The following NEB variants were observed in gnomAD, a reference collection of about 807,000 sequenced individuals.
NEB encodes nebulin.
Under a neutral mutation model 952.2 loss-of-function variants are expected in NEB, and 512 were observed. The observed-to-expected ratio is 0.54, with a 90% confidence interval of 0.50 to 0.58. The LOEUF is 0.58. NEB is among the 20% of genes least tolerant of loss of function. NEB has a pLI of 0.00. For missense variants in NEB, 8,428 were observed against 9,231.1 expected, an observed-to-expected ratio of 0.91 and a Z score of 3.56; for synonymous variants, 2,900 against 3,149.8, an observed-to-expected ratio of 0.92 and a Z score of 2.66.
intron 124 of NEB, among the ~76,000 whole-genome samples, chr2:151,559,020 A>G (rs1054523836): frequency 2.6e-5 from 4 of 152,244 alleles, no homozygotes; most frequent in Non-Finnish European, 4.4e-5. Flanking sequence ...AGAATGGGAA[A>G]AAATTTCTGC....
chr2:151,525,210 G>C lies in NEB; in HGVS notation c.22225C>G (p.Pro7409Ala). The change falls in exon 151 of 182, where the codon CCA becomes GCA. Residue 7409 changes from proline to alanine, a missense_variant. By Grantham distance (27) the Pro-to-Ala change is conservative. This residue lies in a region of NEB where 3,374 missense variants were observed against 3,651.5 expected (regional missense o/e 0.92). Transcript: ENST00000397345. ...TCCATAGCATGTTTCACCTCTGGTGGCTCCAGCATGATGGAGTAGTTGGAT... is the reference window on the plus strand; with the variant it reads ...TCCATAGCATGTTTCACCTCTGGTGCCTCCAGCATGATGGAGTAGTTGGAT... ...GKSNYSIMLE[P>A]PEVKHAMEVA... The C allele has an allele frequency of 3.1e-6, 5 of 1,613,952 alleles. No homozygotes were observed. In the South Asian group the frequency reaches 5.5e-5, roughly 18 times the overall value.
At chr2:151,507,575 A>G (rs909285642) in intron 162 of NEB, among the ~76,000 whole-genome samples, 2 of 152,206 alleles carry the variant, frequency 1.3e-5, no homozygotes, top group Non-Finnish European at 2.9e-5. Flanking sequence ...TCCCCTGTTT[A>G]TTACCATTGG....
intron 39 of NEB, 89 bp downstream of exon 39, chr2:151,668,938 C>T (rs933249369): frequency 1.2e-4 from 113 of 941,046 alleles, no homozygotes; most frequent in Non-Finnish European, 1.7e-4. Flanking sequence ...CACTGAATTG[C>T]GCCCCCTACA....
intron 47 of NEB, 119 bp downstream of exon 47, chr2:151,658,945 GA>G: frequency 1.2e-6 from 1 of 855,900 alleles, no homozygotes; most frequent in Non-Finnish European, 2.0e-6. Flanking sequence ...CTCATGTGTG[GA>G]TTTCCACCAT....
Position 151,665,360 on chromosome 2 carries a change from G to A in NEB, c.5211C>T (p.Asn1737=), listed in dbSNP as rs1401825452. ...YAMDTMEQAL[N]KSNKLNMDKR... ...TGTCCATGTTCAGTTTGTTACTCTT[G>A]TTAAGTGCCTGTTCCATTGTGTCCA... is the stretch of plus-strand genomic sequence containing the variant. The change falls in exon 42 of 182, where the codon AAC becomes AAT. Residue 1737 remains asparagine, a synonymous_variant. Transcript: ENST00000397345. 3 of 1,613,688 alleles carry A rather than the reference G, an allele frequency of 1.9e-6. No individual in the cohort carries two copies. Among genetic ancestry groups the A allele is most frequent in the East Asian group, 2.2e-5 (1 of 44,866 alleles).
intron 13 of NEB, among the ~76,000 whole-genome samples, chr2:151,701,723 A>G (rs928669653): frequency 1.9e-4 from 29 of 150,264 alleles, no homozygotes; most frequent in Non-Finnish European, 3.3e-4. Context: ...CCCCTTTATC[A>G]TTTTTTATTG....
chr2:151,628,869 T>TCAAA (rs377274148), intron 68 of NEB, among the ~76,000 whole-genome samples: 46 of 150,208 alleles, frequency 3.1e-4, no homozygotes, highest in African/African-American at 6.8e-4. Context: ...AGACTCTGTC[T>TCAAA]CAAACAAACA....
At chr2:151,652,197 C>T (rs2099038169) in intron 52 of NEB, among the ~76,000 whole-genome samples, 1 of 152,022 alleles carries the variant, frequency 6.6e-6, no homozygotes, top group African/African-American at 2.4e-5. Flanking sequence ...AAGAAATGAC[C>T]TGCCCTGAAG....
At chr2:151,541,100 C>G (rs570201668) in intron 136 of NEB, among the ~76,000 whole-genome samples, 1 of 152,154 alleles carries the variant, frequency 6.6e-6, no homozygotes, top group South Asian at 2.1e-4. Flanking sequence ...ATAGACCCCT[C>G]AACATATTTT....
At position 151,667,893 on chromosome 2, in the gene NEB, A is replaced by G; in HGVS notation, c.4630T>C (p.Trp1544Arg). 1 of 1,612,002 alleles carries G rather than the reference A, an allele frequency of 6.2e-7. No individual in the cohort carries two copies. The highest frequency in any genetic ancestry group is 8.5e-7 in the Non-Finnish European group (1 of 1,178,478). The stretch of plus-strand genomic sequence containing the variant: ...TAGCCCTTGGCAATGGTTTTCTTCC[A>G]ATCTGCTTTATAATGAGCCTTCAAA... ...NMSDAHYKADWKKTIAKGYDL... is the reference protein window; with the variant it reads ...NMSDAHYKADRKKTIAKGYDL... Residue 1544 changes from tryptophan (W) to arginine (R), a missense_variant, in exon 40 of 182, where the codon TGG (tryptophan) becomes CGG (arginine). Physicochemically the swap from Trp to Arg is moderately radical, Grantham distance 101. Around this residue, in one of 11 missense-constraint regions of NEB, gnomAD observed 2,851 missense variants for 2,791.5 expected, o/e 1.02. Transcript: ENST00000397345.
chr2:151,495,219 C>CT (rs1186121033), intron 173 of NEB: 7 of 152,196 alleles, frequency 4.6e-5, no homozygotes, highest in Non-Finnish European at 8.8e-5. Flanking sequence ...ACCTCGGTAT[C>CT]TCCCCTCAGT....
intron 9 of NEB, among the ~76,000 whole-genome samples, chr2:151,720,323 A>C (rs6433584): frequency 1 from 152,312 of 152,320 alleles, 76,152 homozygotes; most frequent in Middle Eastern, 1. Flanking sequence ...ATGTGCCTAC[A>C]CATGGTGCAT....
Position 151,677,952 on chromosome 2 carries a change from G to T in NEB, c.3491C>A (p.Ser1164Tyr), listed in dbSNP as rs944276562. 14 of 1,613,848 alleles carry T rather than the reference G, an allele frequency of 8.7e-6. No homozygotes were observed. Among genetic ancestry groups the T allele is most frequent in the East Asian group, 6.7e-5 (3 of 44,896 alleles). Reference sequence around the variant, plus strand: ...AGGCAAGTAGGTGTAATGATGGAGAGAATGCTTATAGTTGACATTGCTGAC... The same window carrying T: ...AGGCAAGTAGGTGTAATGATGGAGATAATGCTTATAGTTGACATTGCTGAC... ...DVVSNVNYKHSLHHYTYLPDA... is the reference protein window; with the variant it reads ...DVVSNVNYKHYLHHYTYLPDA... The change falls in exon 33 of 182, where the codon TCT becomes TAT. Residue 1164 changes from serine to tyrosine, a missense_variant. Coordinates refer to ENST00000397345, the MANE Select transcript of NEB (RefSeq NM_001164508.2).
At position 151,725,634 on chromosome 2, in the gene NEB, T is replaced by TA. The variant is rs202085426; in HGVS notation, c.295-75dup. 3,749 of 1,178,022 alleles carry TA rather than the reference T, an allele frequency of 3.2e-3. 62 individuals carry two copies. The African/African-American group carries it at 0.044, about 14-fold the overall frequency. 73.0% of individuals were successfully genotyped at this position (1,178,022 alleles called of 1,614,324 possible). A position where few individuals can be genotyped will look rare whatever the true frequency, so the allele number is the denominator to read the frequency against. On this transcript the variant is annotated intron_variant, in intron 5 of 181. Transcript: ENST00000397345. The stretch of plus-strand genomic sequence containing the variant: ...CAGGCAACATACTCACCCCATTTGA[T>TA]AAAAAAAAATCCTTCAAGTTATAGC...
At position 151,513,482 on chromosome 2, in the gene NEB, G is replaced by A. The variant is rs577807450; in HGVS notation, c.23241+98C>T. On this transcript the variant is annotated intron_variant, in intron 160 of 181. Coordinates refer to ENST00000397345, the MANE Select transcript of NEB (RefSeq NM_001164508.2). Reference sequence around the variant, plus strand: ...TGTTCAAGAATGCCATTGTATGCATGTGACTGTCACCAATAAATCAGATGA... The same window carrying A: ...TGTTCAAGAATGCCATTGTATGCATATGACTGTCACCAATAAATCAGATGA... 7 of 855,044 alleles carry A rather than the reference G, an allele frequency of 8.2e-6. No homozygotes were observed. The African/African-American group carries it at 1.2e-4, about 15-fold the overall frequency. The allele number at this position is 855,044 out of a possible 1,614,324, so 53.0% of individuals were successfully genotyped here.
chr2:151,540,754 A>G lies in NEB; in HGVS notation c.20730T>C (p.Ala6910=). 1 of 1,613,654 alleles carries G rather than the reference A, an allele frequency of 6.2e-7. No individual in the cohort carries two copies. The highest frequency in any genetic ancestry group is 2.2e-5 in the East Asian group (1 of 44,862). The change falls in exon 137 of 182, where the codon GCT becomes GCC. Residue 6910 remains alanine (A), a synonymous_variant. Transcript: ENST00000397345. Reference sequence around the variant, plus strand: ...GCTTCAAGGCTGTGGTCTGGTTTCCAGCGTGATGATGGGGTCTCTCTTTGG... The same window carrying G: ...GCTTCAAGGCTGTGGTCTGGTTTCCGGCGTGATGATGGGGTCTCTCTTTGG... ...LATKERPHHH[A]GNQTTALKHA...
At chr2:151,688,139 T>A (rs2099517181) in intron 25 of NEB, among the ~76,000 whole-genome samples, 153 bp downstream of exon 25, 1 of 152,042 alleles carries the variant, frequency 6.6e-6, no homozygotes, top group Non-Finnish European at 1.5e-5. Flanking sequence ...TAAGTAGGAG[T>A]CTTAAGAGCA....
intron 161 of NEB, 62 bp downstream of exon 161, chr2:151,512,671 G>A: frequency 8.5e-7 from 1 of 1,176,710 alleles, no homozygotes; most frequent in East Asian, 2.4e-5. Context: ...ATTTATTAAT[G>A]GAAGGACTTC....
At chr2:151,540,897 G>A (rs1289474765) in intron 136 of NEB, 96 bp from the exon 137 acceptor site, 1 of 1,015,588 alleles carries the variant, frequency 9.8e-7, no homozygotes, top group Middle Eastern at 2.2e-4. Flanking sequence ...CAGTGGGAAG[G>A]TGGTATCTGC....
Sources: allele counts gnomAD v4.1 joint callset (sites outside exome capture counted in the v4.1 genomes callset), GRCh38; gene constraint gnomAD v4.1.1; regional missense constraint gnomAD v4.1.1; transcripts MANE v1.5; gene names NCBI Gene and HGNC (gene_info 2026-07-23, HGNC 2026-07-21).